The following SIK3 variants were observed in gnomAD, a reference collection of about 807,000 sequenced individuals.
The protein encoded by SIK3 is SIK family kinase 3.
A neutral mutation model predicts 144.2 loss-of-function variants in SIK3; 28 were observed. The ratio of observed to expected loss-of-function variants is 0.19; its 90% CI spans 0.14 to 0.27. SIK3 has a LOEUF of 0.27. SIK3 is among the 10% of genes least tolerant of loss of function. The pLI, the probability that SIK3 is intolerant of heterozygous loss-of-function variation, is 1.00. For missense variants in SIK3, 1,319 were observed against 1,776.0 expected, an observed-to-expected ratio of 0.74 and a Z score of 4.62; for synonymous variants, 686 against 676.3, an observed-to-expected ratio of 1.01 and a Z score of -0.22.
intron 1 of SIK3, among the ~76,000 whole-genome samples, chr11:116,987,538 CAGGTACTAGGAGA>C: frequency 6.6e-6 from 1 of 152,248 alleles, no homozygotes; most frequent in East Asian, 1.9e-4. Flanking sequence ...AAAGAATAAA[CAGGTACTAGGAGA>C]ATGCCCTCTT....
rs117213093 is a variant in SIK3 at position 116,944,441 on chromosome 11, G to A, written c.454+9603C>T. On this transcript the variant is annotated intron_variant, in intron 3 of 24. Transcript: ENST00000445177. ...TTTGGGTCACGAGCATCAGTTGACC[G>A]AGACACACAGATCAATCATGTGAGC... Among the ~76,000 whole-genome samples, 189 of 145,576 alleles carry A rather than the reference G, an allele frequency of 1.3e-3. No homozygotes were observed. The Middle Eastern group carries it at 0.017, about 13-fold the overall frequency.
intron 1 of SIK3, among the ~76,000 whole-genome samples, chr11:116,983,344 C>T (rs1320389988): frequency 1.3e-5 from 2 of 151,342 alleles, no homozygotes; most frequent in African/African-American, 2.4e-5. Context: ...CAAGCCTGGA[C>T]AACATGCCAA....
chr11:117,006,232 T>C (rs765423922), intron 1 of SIK3, among the ~76,000 whole-genome samples: 4 of 152,104 alleles, frequency 2.6e-5, no homozygotes, highest in Non-Finnish European at 4.4e-5. Context: ...CCACAATACA[T>C]TGAAATTGAT....
intron 4 of SIK3, among the ~76,000 whole-genome samples, chr11:116,921,218 G>A (rs1946951899): frequency 6.6e-6 from 1 of 152,206 alleles, no homozygotes; most frequent in South Asian, 2.1e-4. Flanking sequence ...AGTGCCAGAA[G>A]ATGAAGAGAT....
chr11:117,047,039 T>C (rs566198795), intron 1 of SIK3, among the ~76,000 whole-genome samples: 13 of 152,360 alleles, frequency 8.5e-5, no homozygotes, highest in East Asian at 3.9e-4. Context: ...TCCCTGAAAC[T>C]GTATTTCTAT....
intron 7 of SIK3, among the ~76,000 whole-genome samples, chr11:116,876,720 C>G (rs912820408): frequency 6.6e-6 from 1 of 152,232 alleles, no homozygotes; most frequent in African/African-American, 2.4e-5. Context: ...TTTGGGGACA[C>G]ATGGTAGGGA....
chr11:116,972,034 C>T (rs538474076), intron 1 of SIK3, among the ~76,000 whole-genome samples: 70 of 150,528 alleles, frequency 4.7e-4, no homozygotes, highest in Non-Finnish European at 6.3e-4. Flanking sequence ...CTGCAGAGAG[C>T]TGAGATCGCC....
At chr11:116,953,605 G>A (rs142185644) in intron 3 of SIK3, among the ~76,000 whole-genome samples, 61 of 152,290 alleles carry the variant, frequency 4.0e-4, no homozygotes, top group Middle Eastern at 3.4e-3. Flanking sequence ...AAATAATATA[G>A]TTACATGTTA....
intron 1 of SIK3, among the ~76,000 whole-genome samples, chr11:116,999,406 T>G (rs1432334376): frequency 6.6e-6 from 1 of 152,220 alleles, no homozygotes; most frequent in Non-Finnish European, 1.5e-5. Flanking sequence ...ATTTTTTTAA[T>G]CTGTGATTCC....
intron 1 of SIK3, among the ~76,000 whole-genome samples, chr11:117,084,402 A>G (rs1954919182): frequency 6.6e-6 from 1 of 152,026 alleles, no homozygotes; most frequent in Non-Finnish European, 1.5e-5. Context: ...AGTAGCTAGG[A>G]TTACAGGCAT....
chr11:116,919,280 A>G (rs1946834785), intron 4 of SIK3, among the ~76,000 whole-genome samples: 1 of 152,182 alleles, frequency 6.6e-6, no homozygotes, highest in Admixed American at 6.5e-5. Context: ...TTGAGTTAGG[A>G]AATGTTTTAA....
intron 15 of SIK3, among the ~76,000 whole-genome samples, chr11:116,866,820 A>C (rs775792345): frequency 6.6e-6 from 1 of 152,166 alleles, no homozygotes; most frequent in Non-Finnish European, 1.5e-5. Context: ...CTGTGCCATC[A>C]GAGTTTTATT....
chr11:117,036,077 G>T (rs936680788), intron 1 of SIK3: 2 of 872,236 alleles, frequency 2.3e-6, no homozygotes, highest in Non-Finnish European at 3.5e-6. Context: ...GGTCATCACC[G>T]CCGGAAAGGT....
intron 1 of SIK3, among the ~76,000 whole-genome samples, chr11:116,975,631 T>C (rs1238964059): frequency 6.6e-6 from 1 of 152,244 alleles, no homozygotes; most frequent in Non-Finnish European, 1.5e-5. Context: ...ATTTTGGTTG[T>C]TCTGCTTTTT....
rs1180126728 is a variant in SIK3 at position 116,857,918 on chromosome 11, C to T, written c.3547G>A (p.Asp1183Asn). The T allele has an allele frequency of 6.2e-7, 1 of 1,614,100 alleles. No individual in the cohort carries two copies. Among genetic ancestry groups the T allele is most frequent in the Admixed American group, 1.7e-5 (1 of 60,020 alleles). Residue 1183 changes from aspartate (D) to asparagine (N), a missense_variant, in exon 21 of 25, where the codon GAC (aspartate) becomes AAC (asparagine). By Grantham distance (23) the Asp-to-Asn change is conservative. Around this residue, in one of 8 missense-constraint regions of SIK3, gnomAD observed 646 missense variants for 763.7 expected, o/e 0.85. Transcript: ENST00000445177. ...PLLLSTGGPGDPESLLGTVSH... is the reference protein window; with the variant it reads ...PLLLSTGGPGNPESLLGTVSH... ...ACAGTTCCTAGCAAAGATTCAGGGT[C>T]CCCAGGTCCACCGGTACTCAAGAGC...
chr11:117,036,090 A>T (rs1052423414), intron 1 of SIK3: 39 of 578,972 alleles, frequency 6.7e-5, no homozygotes, highest in Admixed American at 1.4e-4. Context: ...GGAAAGGTTA[A>T]TTTTTTTTTT....
intron 1 of SIK3, 55 bp from the exon 2 acceptor site, chr11:116,957,119 A>T: frequency 1.1e-6 from 1 of 927,706 alleles, no homozygotes; most frequent in Non-Finnish European, 1.6e-6. Context: ...CAGTTTACTA[A>T]GAAAAATTAG....
chr11:116,952,213 C>G lies in SIK3; in HGVS notation c.454+1831G>C, dbSNP rs572952779. On this transcript the variant is annotated intron_variant, in intron 3 of 24. Coordinates refer to ENST00000445177, the MANE Select transcript of SIK3 (RefSeq NM_001366686.3). ...GTAAAAAGGTATCTTCCAGCCTGAA[C>G]AATATAGTGAGACCCCCGTCTCTAC... Among the ~76,000 whole-genome samples, 7 of 152,146 alleles carry G rather than the reference C, an allele frequency of 4.6e-5. No homozygotes were observed. In the East Asian group the frequency reaches 1.4e-3, roughly 29 times the overall value.
At chr11:116,911,844 C>T (rs769594754) in intron 4 of SIK3, among the ~76,000 whole-genome samples, 54 of 152,218 alleles carry the variant, frequency 3.5e-4, no homozygotes, top group South Asian at 6.2e-4. Context: ...TACTTGATAT[C>T]CCTTACTGCT....
Sources: gnomAD v4.1 joint callset for allele counts (sites outside exome capture counted in the v4.1 genomes callset) on GRCh38, gnomAD v4.1.1 for gene constraint, gnomAD v4.1.1 regional missense constraint, MANE v1.5 for transcripts, NCBI Gene and HGNC (gene_info 2026-07-23, HGNC 2026-07-21) for gene names.